The following UBR4 variants were observed in gnomAD, a reference collection of about 807,000 sequenced individuals.
UBR4 encodes E3 ubiquitin-protein ligase UBR4.
UBR4 carries 124 observed loss-of-function variants against 575.6 expected under a neutral mutation model. The observed-to-expected ratio is 0.22, with a 90% CI of 0.19 to 0.25. The LOEUF (loss-of-function observed/expected upper bound fraction) is 0.25, where lower values mean the gene tolerates loss of function less well. Ranked by LOEUF, UBR4 falls within the 10% of genes least tolerant of loss-of-function variation. The probability of loss-of-function intolerance (pLI) is 1.00; values close to 1 mark genes in which losing one functional copy is unlikely to be tolerated. For missense variants in UBR4, 4,818 were observed against 6,478.8 expected, an observed-to-expected ratio of 0.74 and a Z score of 8.80; for synonymous variants, 2,455 against 2,473.7, an observed-to-expected ratio of 0.99 and a Z score of 0.22.
chr1:19,189,266 G>C (rs2151368821), intron 11 of UBR4, among the ~76,000 whole-genome samples: 1 of 152,304 alleles, frequency 6.6e-6, no homozygotes, highest in Middle Eastern at 3.4e-3. Context: ...CTAACGAGTA[G>C]TTTGACAAAA....
intron 17 of UBR4, among the ~76,000 whole-genome samples, chr1:19,180,314 G>A (rs1237619672): frequency 2.0e-5 from 3 of 151,966 alleles, no homozygotes; most frequent in East Asian, 3.9e-4. Context: ...TCAGCCTCCC[G>A]AGTAGCTGGG....
At chr1:19,172,718 C>T (rs2089750219) in intron 25 of UBR4, 146 bp downstream of exon 25, 1 of 706,206 alleles carries the variant, frequency 1.4e-6, no homozygotes. Flanking sequence ...CATCAAGCAC[C>T]CCTTCATACT....
chr1:19,138,797 G>GA (rs997618010), intron 59 of UBR4, among the ~76,000 whole-genome samples: 2 of 151,582 alleles, frequency 1.3e-5, no homozygotes, highest in African/African-American at 4.8e-5. Flanking sequence ...TTTCAGAGAG[G>GA]AAAAAAAAGA....
Position 19,155,449 on chromosome 1 carries a change from C to A in UBR4, c.6292G>T (p.Asp2098Tyr). 1.2e-6 allele frequency: 2 copies of A among 1,613,998 alleles called. No homozygotes were observed. The highest frequency in any genetic ancestry group is 2.2e-5 in the South Asian group (2 of 91,008). ...VTNVLEINHE[D>Y]LKDSNSQVAG... Reference sequence around the variant, plus strand: ...GCAACATGTGCTCTAACCTTCAGGTCCTCATGATTGATTTCCAACACATTA... The same window carrying A: ...GCAACATGTGCTCTAACCTTCAGGTACTCATGATTGATTTCCAACACATTA... Residue 2098 changes from aspartate (D) to tyrosine (Y), a missense_variant, in exon 43 of 106, where the codon GAC becomes TAC. Physicochemically the swap from Asp to Tyr is radical, Grantham distance 160. Coordinates refer to ENST00000375254, the MANE Select transcript of UBR4 (RefSeq NM_020765.3).
intron 101 of UBR4, among the ~76,000 whole-genome samples, chr1:19,085,070 T>C (rs2076879196): frequency 6.6e-6 from 1 of 152,268 alleles, no homozygotes; most frequent in African/African-American, 2.4e-5. Flanking sequence ...TCCATAAGAA[T>C]GAGCTCTTCA....
chr1:19,190,624 A>G (rs1031695863), intron 11 of UBR4, among the ~76,000 whole-genome samples: 1 of 152,132 alleles, frequency 6.6e-6, no homozygotes, highest in African/African-American at 2.4e-5. Flanking sequence ...TCCCAGTATC[A>G]GTAAATTATA....
intron 73 of UBR4, among the ~76,000 whole-genome samples, chr1:19,116,872 T>TAG (rs2080601032): frequency 2.0e-5 from 3 of 152,176 alleles, no homozygotes. Flanking sequence ...AAATGACAAT[T>TAG]ACTTCCCAAT....
At position 19,107,057 on chromosome 1, in the gene UBR4, AT is replaced by A. The variant is rs1236854877; in HGVS notation, c.12106-92del. On this transcript the variant is annotated intron_variant, in intron 81 of 105. Coordinates refer to ENST00000375254, the MANE Select transcript of UBR4 (RefSeq NM_020765.3). ...CATGGCACTGGTGCCCCAGGGGGTG[AT>A]GTGCAAAGGCAAGAAGATCAGGAGG... is the stretch of plus-strand genomic sequence containing the variant. 1.9e-6 allele frequency: 3 copies of A among 1,542,908 alleles called. No homozygotes were observed. The Admixed American group carries it at 5.7e-5, about 29-fold the overall frequency.
At position 19,093,256 on chromosome 1, in the gene UBR4, G is replaced by A. The variant is rs1469616746; in HGVS notation, c.14111+57C>T. On this transcript the variant is annotated intron_variant, in intron 96 of 105. Transcript: ENST00000375254. The surrounding 1 kb of genome is among the most constrained non-coding windows in gnomAD (Gnocchi z 4.8). Reference sequence around the variant, plus strand: ...TTTATGCCAAGATGCTGATGGAGAAGGAAAAGGAAAGGGCAAAGCGAAGGC... The same window carrying A: ...TTTATGCCAAGATGCTGATGGAGAAAGAAAAGGAAAGGGCAAAGCGAAGGC... 2.5e-6 allele frequency: 4 copies of A among 1,578,164 alleles called. No individual in the cohort carries two copies. In the East Asian group the frequency reaches 6.7e-5, roughly 27 times the overall value.
intron 93 of UBR4, 21 bp from the exon 94 acceptor site, chr1:19,095,046 G>A: frequency 6.2e-7 from 1 of 1,614,124 alleles, no homozygotes; most frequent in Non-Finnish European, 8.5e-7. Flanking sequence ...AGGAGACTCA[G>A]TCACTCTCAG....
intron 60 of UBR4, among the ~76,000 whole-genome samples, chr1:19,131,576 A>G (rs1013360411): frequency 2.6e-5 from 4 of 152,176 alleles, no homozygotes; most frequent in African/African-American, 9.7e-5. Context: ...AGAGATTTCA[A>G]AAAAAATCTA....
intron 18 of UBR4, 133 bp from the exon 19 acceptor site, chr1:19,177,876 C>T: frequency 8.8e-7 from 1 of 1,134,214 alleles, no homozygotes; most frequent in Non-Finnish European, 1.2e-6. Context: ...GAAAAAAAGG[C>T]TACATGGTAA....
At chr1:19,136,014 C>G (rs2083161887) in intron 60 of UBR4, among the ~76,000 whole-genome samples, 1 of 152,076 alleles carries the variant, frequency 6.6e-6, no homozygotes, top group Non-Finnish European at 1.5e-5. Context: ...TTGGAAATAA[C>G]AAAAGCGAGG....
intron 97 of UBR4, among the ~76,000 whole-genome samples, chr1:19,090,785 A>C (rs2077427156): frequency 6.6e-6 from 1 of 152,190 alleles, no homozygotes; most frequent in South Asian, 2.1e-4. Context: ...AAAGTAATTC[A>C]ATTTGGTAAC....
At chr1:19,123,258 C>A (rs1243843029) in intron 65 of UBR4, among the ~76,000 whole-genome samples, 198 bp from the exon 66 acceptor site, 2 of 152,076 alleles carry the variant, frequency 1.3e-5, no homozygotes, top group Non-Finnish European at 2.9e-5. Context: ...TTGAGACCAG[C>A]CTGGCCAACA....
rs2086590928 is a variant in UBR4, at chr1:19,157,353, C to T, written c.5761-428G>A. Among the ~76,000 whole-genome samples the T allele has an allele frequency of 6.6e-6, 1 of 152,206 alleles. No homozygotes were observed. Among genetic ancestry groups the T allele is most frequent in the African/African-American group, 2.4e-5 (1 of 41,462 alleles). On this transcript the variant is annotated intron_variant, in intron 40 of 105. Coordinates refer to ENST00000375254, the MANE Select transcript of UBR4 (RefSeq NM_020765.3). This position sits in a 1 kb window ranked among gnomAD's most constrained non-coding sequence, Gnocchi z 4.4. ...AGTGTGAGTTAAGATACCTAGCACT[C>T]TTCCAACTTCTACTAGCTCTATAAC...
chr1:19,077,917 G>A, intron 104 of UBR4, 59 bp downstream of exon 104: 12 of 1,612,074 alleles, frequency 7.4e-6, no homozygotes, highest in Non-Finnish European at 1.0e-5. Context: ...GTCAGGGACA[G>A]GAGTGCAGAC....
chr1:19,129,444 T>C (rs1396632118), intron 60 of UBR4, among the ~76,000 whole-genome samples: 1 of 152,238 alleles, frequency 6.6e-6, no homozygotes, highest in East Asian at 1.9e-4. Context: ...TATGTGGCCC[T>C]ATTCTGCCTC....
intron 60 of UBR4, among the ~76,000 whole-genome samples, chr1:19,133,405 A>C (rs906666372): frequency 1.3e-5 from 2 of 152,214 alleles, no homozygotes; most frequent in Non-Finnish European, 1.5e-5. Context: ...AATCTGATAA[A>C]TATCCATAAA....
Sources: gnomAD v4.1 joint callset for allele counts (sites outside exome capture counted in the v4.1 genomes callset) on GRCh38, gnomAD v4.1.1 for gene constraint, Gnocchi (gnomAD v3.1) non-coding constraint, MANE v1.5 for transcripts, NCBI Gene and HGNC (gene_info 2026-07-23, HGNC 2026-07-21) for gene names.